Variants in NT5DC1 observed in about 807,000 individuals in gnomAD.
NT5DC1 encodes 5'-nucleotidase domain-containing protein 1.
A neutral mutation model predicts 59.4 loss-of-function variants in NT5DC1; 42 were observed. The ratio of observed to expected loss-of-function variants is 0.71; its 90% CI spans 0.55 to 0.92. The LOEUF is 0.92. NT5DC1 is among the 40% of genes least tolerant of loss of function. The pLI is 0.00. For missense variants in NT5DC1, 501 were observed against 537.1 expected (o/e 0.93, Z 0.66); for synonymous variants, 172 against 188.1 (o/e 0.91, Z 0.70).
intron 6 of NT5DC1, among the ~76,000 whole-genome samples, chr6:116,176,865 A>T (rs959036440): frequency 6.6e-6 from 1 of 152,126 alleles, no homozygotes; most frequent in African/African-American, 2.4e-5. Flanking sequence ...CTGTCCTGTG[A>T]TCTTCTCACT....
At chr6:116,195,874 A>G (rs796506123) in intron 6 of NT5DC1, among the ~76,000 whole-genome samples, 25 of 152,160 alleles carry the variant, frequency 1.6e-4, no homozygotes, top group African/African-American at 6.0e-4. Flanking sequence ...AGAAGAGACC[A>G]AAAAGCTATT....
At position 116,168,175 on chromosome 6, in the gene NT5DC1, A is replaced by G. The variant is rs369001467; in HGVS notation, c.529+50230A>G. ...TTGTTTTGGAAAATTCTGAGCCATTATCTCTAAAAATATTGTTCTGCTCCT... is the reference window on the plus strand; with the variant it reads ...TTGTTTTGGAAAATTCTGAGCCATTGTCTCTAAAAATATTGTTCTGCTCCT... On this transcript the variant is annotated intron_variant, in intron 6 of 11. Transcript: ENST00000319550. 3.5e-3 allele frequency among the ~76,000 whole-genome samples: 516 copies of G among 149,308 alleles called. 15 individuals carry two copies. In the South Asian group the frequency reaches 0.046, roughly 13 times the overall value.
intron 4 of NT5DC1, among the ~76,000 whole-genome samples, chr6:116,112,726 G>T (rs1358696582): frequency 6.6e-6 from 1 of 152,180 alleles, no homozygotes; most frequent in Non-Finnish European, 1.5e-5. Flanking sequence ...ATGTTTTCAT[G>T]AATGTATATT....
intron 8 of NT5DC1, among the ~76,000 whole-genome samples, chr6:116,230,458 A>C (rs1204809): frequency 0.011 from 1,619 of 152,264 alleles, 33 homozygotes; most frequent in African/African-American, 0.038. Context: ...TGTCAACATC[A>C]GTGTTTCTCA....
intron 6 of NT5DC1, among the ~76,000 whole-genome samples, chr6:116,148,559 A>T (rs937500545): frequency 1.3e-5 from 2 of 152,182 alleles, no homozygotes; most frequent in African/African-American, 4.8e-5. Flanking sequence ...GAATGTGAAC[A>T]TGTTAATTAA....
At chr6:116,213,461 C>T (rs1781623958) in intron 6 of NT5DC1, among the ~76,000 whole-genome samples, 4 of 152,052 alleles carry the variant, frequency 2.6e-5, no homozygotes, top group Admixed American at 2.6e-4. Flanking sequence ...TTAAGGGCTA[C>T]ACCTGGAACT....
chr6:116,229,760 G>C (rs977718853), intron 8 of NT5DC1, among the ~76,000 whole-genome samples: 3 of 152,074 alleles, frequency 2.0e-5, no homozygotes, highest in African/African-American at 7.2e-5. Flanking sequence ...GCCCACCATT[G>C]GGAGAATCAT....
intron 6 of NT5DC1, among the ~76,000 whole-genome samples, chr6:116,133,658 G>T (rs926218915): frequency 6.6e-6 from 1 of 151,926 alleles, no homozygotes. Context: ...GCCCTTGTCT[G>T]TTTAGCCATT....
rs9488849 is a variant in NT5DC1, at chr6:116,142,155, T to C, written c.529+24210T>C. Reference sequence around the variant, plus strand: ...GGAACTAAATGGATACTCTTTCTAATATATGAAACTAATATTAGTATAGTT... The same window carrying C: ...GGAACTAAATGGATACTCTTTCTAACATATGAAACTAATATTAGTATAGTT... On this transcript the variant is annotated intron_variant, in intron 6 of 11. Transcript: ENST00000319550. 1.1e-4 allele frequency among the ~76,000 whole-genome samples: 17 copies of C among 152,028 alleles called. No individual in the cohort carries two copies. The South Asian group carries it at 3.3e-3, about 30-fold the overall frequency.
chr6:116,241,934 AAAAACAAAAC>A (rs1274208256), intron 11 of NT5DC1, among the ~76,000 whole-genome samples: 803 of 24,472 alleles, frequency 0.033, 106 homozygotes, highest in African/African-American at 0.08. Flanking sequence ...AAAAAAAAAA[AAAAACAAAAC>A]AAAAAAAAAA....
At chr6:116,223,235 G>A (rs1582881566) in intron 8 of NT5DC1, 104 bp downstream of exon 8, 1 of 609,944 alleles carries the variant, frequency 1.6e-6, no homozygotes, top group South Asian at 2.2e-5. Flanking sequence ...CCTCTCATGG[G>A]GAAGAAAAAA....
intron 6 of NT5DC1, among the ~76,000 whole-genome samples, chr6:116,216,336 A>AT (rs1251753525): frequency 7.9e-5 from 12 of 151,894 alleles, no homozygotes; most frequent in African/African-American, 2.9e-4. Flanking sequence ...TATATTTTAT[A>AT]TTTTAGGTCA....
intron 6 of NT5DC1, among the ~76,000 whole-genome samples, chr6:116,138,565 G>T (rs565297256): frequency 2.4e-4 from 37 of 152,038 alleles, no homozygotes; most frequent in Non-Finnish European, 5.1e-4. Flanking sequence ...CAAATAGTGC[G>T]AATGTCGATA....
Position 116,178,311 on chromosome 6 carries a change from G to A in NT5DC1, c.530-42743G>A, listed in dbSNP as rs139565933. 2.0e-4 allele frequency among the ~76,000 whole-genome samples: 30 copies of A among 152,252 alleles called. No homozygotes were observed. In the East Asian group the frequency reaches 2.3e-3, roughly 12 times the overall value. ...CTTCTGAGATCAGGTGACATTGGGC[G>A]CATTCAGGGTGGTATGGCCATAAGC... is the stretch of plus-strand genomic sequence containing the variant. On this transcript the variant is annotated intron_variant, in intron 6 of 11. Coordinates refer to ENST00000319550, the MANE Select transcript of NT5DC1 (RefSeq NM_152729.3).
At chr6:116,228,971 C>T (rs1016306746) in intron 8 of NT5DC1, among the ~76,000 whole-genome samples, 3 of 152,136 alleles carry the variant, frequency 2.0e-5, no homozygotes, top group South Asian at 2.1e-4. Flanking sequence ...TGTCTCTGGG[C>T]TTCACATTTC....
intron 1 of NT5DC1, 21 bp downstream of exon 1, chr6:116,101,044 G>T (rs376190332): frequency 3.2e-6 from 5 of 1,541,904 alleles, no homozygotes; most frequent in Non-Finnish European, 4.4e-6. Flanking sequence ...CGGGCTCCGG[G>T]GCGCACTGCG....
At chr6:116,161,923 G>A in intron 6 of NT5DC1, among the ~76,000 whole-genome samples, 1 of 151,926 alleles carries the variant, frequency 6.6e-6, no homozygotes, top group Non-Finnish European at 1.5e-5. Context: ...ATTCTCCTTT[G>A]TATTTCACCA....
chr6:116,153,833 C>G (rs2114404650), intron 6 of NT5DC1, among the ~76,000 whole-genome samples: 1 of 152,154 alleles, frequency 6.6e-6, no homozygotes, highest in East Asian at 1.9e-4. Flanking sequence ...CTTACCTTCT[C>G]TGTGGATTTT....
At chr6:116,119,976 C>T in intron 6 of NT5DC1, 1 of 1,103,032 alleles carries the variant, frequency 9.1e-7, no homozygotes, top group Non-Finnish European at 1.4e-6. Context: ...ATAAAAATTA[C>T]ATTCTTTTCA....
Sources: gnomAD v4.1 joint callset for allele counts (sites outside exome capture counted in the v4.1 genomes callset) on GRCh38, gnomAD v4.1.1 for gene constraint, MANE v1.5 for transcripts, NCBI Gene and HGNC (gene_info 2026-07-23, HGNC 2026-07-21) for gene names.